PALM: variants seen among roughly 807,000 people sequenced by gnomAD.
PALM encodes the protein paralemmin-1.
In PALM, 18 loss-of-function variants were observed where a neutral mutation model predicts 30.7. The observed-to-expected ratio is 0.59, with a 90% CI of 0.41 to 0.87. PALM has a LOEUF of 0.87. Among genes scored for constraint, PALM ranks in the 40% least tolerant of loss-of-function variants. The pLI is 0.00. For missense variants in PALM, 529 were observed against 555.4 expected, an observed-to-expected ratio of 0.95 and a Z score of 0.48; for synonymous variants, 286 against 242.8, an observed-to-expected ratio of 1.18 and a Z score of -1.66.
rs757752822 is a variant in PALM, at chr19:727,583, G to A, written c.158G>A (p.Arg53His). ...QHLKSKALRE[R>H]WLLEGTPSSA... ...GCTCAGTCCAAGGCACTGCGGGAGC[G>A]CTGGCTGCTGGAGGGGACGCCGTCC... Residue 53 changes from arginine (R) to histidine (H), a missense_variant, in exon 4 of 9, where the codon CGC becomes CAC. Arg to His is a conservative substitution (Grantham distance 29). Coordinates refer to ENST00000338448, the MANE Select transcript of PALM (RefSeq NM_002579.3). 8.2e-6 allele frequency: 13 copies of A among 1,588,704 alleles called. No individual in the cohort carries two copies. Among genetic ancestry groups the A allele is most frequent in the Admixed American group, 3.6e-5 (2 of 55,384 alleles).
rs917283938 is a variant in PALM at position 719,408 on chromosome 19, G to T, written c.6-6730G>T. 10 of 985,180 alleles carry T rather than the reference G, an allele frequency of 1.0e-5. No homozygotes were observed. The South Asian group carries it at 1.9e-4, about 19-fold the overall frequency. The allele number at this position is 985,180 out of a possible 1,614,324, so 61.0% of individuals were successfully genotyped here. ...CGACGCCCTCGCCGGGCCCCGAGCC[G>T]CCCACACCGCCACACGCCGTAAAAA... On this transcript the variant is annotated intron_variant, in intron 1 of 8. Coordinates refer to ENST00000338448, the MANE Select transcript of PALM (RefSeq NM_002579.3).
rs57704148 is a variant in PALM, at chr19:732,475, A to T, written c.420+1230A>T. Among the ~76,000 whole-genome samples the T allele has an allele frequency of 0.02, 3,001 of 152,284 alleles. 242 individuals carry two copies. In the East Asian group the frequency reaches 0.28, roughly 14 times the overall value. ...TTTGGGAGGCCGAGGCAGGCACATCATTTGAGGTCAGGAGTTCAAGACCAG... is the reference window on the plus strand; with the variant it reads ...TTTGGGAGGCCGAGGCAGGCACATCTTTTGAGGTCAGGAGTTCAAGACCAG... On this transcript the variant is annotated intron_variant, in intron 5 of 8. Transcript: ENST00000338448.
At chr19:725,968 G>A (rs1364187426) in intron 1 of PALM, among the ~76,000 whole-genome samples, 170 bp from the exon 2 acceptor site, 8 of 152,164 alleles carry the variant, frequency 5.3e-5, no homozygotes, top group Non-Finnish European at 7.4e-5. Flanking sequence ...TTCCTTGGCC[G>A]CTGAGGGGGC....
At position 746,066 on chromosome 19, in the gene PALM, T is replaced by A. The variant is rs552318853; in HGVS notation, c.635-219T>A. On this transcript the variant is annotated intron_variant, in intron 8 of 8. Transcript: ENST00000338448. The surrounding 1 kb of genome is among the most constrained non-coding windows in gnomAD (Gnocchi z 7.1). ...GAGTGAGACTCCGTCTCAAAAAAAA[T>A]TTTTTTTCCTCATTGTACGGCATTG... Among the ~76,000 whole-genome samples, 5 of 152,016 alleles carry A rather than the reference T, an allele frequency of 3.3e-5. No individual in the cohort carries two copies. The highest frequency in any genetic ancestry group is 1.2e-4 in the African/African-American group (5 of 41,490).
chr19:728,218 G>T (rs1475286251), intron 4 of PALM, among the ~76,000 whole-genome samples: 1 of 152,218 alleles, frequency 6.6e-6, no homozygotes, highest in Non-Finnish European at 1.5e-5. Context: ...GGCAATCCCT[G>T]TGGGGGCTGG....
intron 1 of PALM, among the ~76,000 whole-genome samples, chr19:711,647 G>A (rs190673513): frequency 1.1e-4 from 16 of 152,162 alleles, no homozygotes; most frequent in African/African-American, 2.9e-4. Flanking sequence ...CCATGTTTCC[G>A]CTGTCTTGTT....
intron 1 of PALM, chr19:719,416 C>T: frequency 1.0e-6 from 1 of 985,350 alleles, no homozygotes; most frequent in African/African-American, 1.7e-5. Flanking sequence ...CCGCCCACAC[C>T]GCCACACGCC....
intron 4 of PALM, among the ~76,000 whole-genome samples, chr19:730,650 G>T (rs1030210255): frequency 2.6e-5 from 4 of 152,192 alleles, no homozygotes; most frequent in African/African-American, 7.2e-5. Flanking sequence ...CCGTGCCTCA[G>T]TTTCCCCCAT....
Position 709,908 on chromosome 19 carries a change from G to A in PALM, c.5+757G>A, listed in dbSNP as rs1417973145. Among the ~76,000 whole-genome samples the A allele has an allele frequency of 1.4e-5, 2 of 138,134 alleles. No individual in the cohort carries two copies. The highest frequency in any genetic ancestry group is 6.0e-5 in the African/African-American group (2 of 33,532). 90.6% of individuals were successfully genotyped at this position (138,134 alleles called of 152,430 possible). ...GACCCCCGCATGGCTGCGCCTGTGT[G>A]TGTGGGGGGGGGGTGGCCAGTGGAG... On this transcript the variant is annotated intron_variant, in intron 1 of 8. Coordinates refer to ENST00000338448, the MANE Select transcript of PALM (RefSeq NM_002579.3). This position sits in a 1 kb window ranked among gnomAD's most constrained non-coding sequence, Gnocchi z 4.3.
chr19:721,245 C>T (rs1014564936), intron 1 of PALM, among the ~76,000 whole-genome samples: 4 of 152,146 alleles, frequency 2.6e-5, no homozygotes, highest in African/African-American at 9.7e-5. Context: ...TGGAGAGGGA[C>T]AGGGTCTGAT....
At chr19:734,328 G>C in intron 6 of PALM, 134 bp downstream of exon 6, 1 of 791,514 alleles carries the variant, frequency 1.3e-6, no homozygotes, top group Non-Finnish European at 2.1e-6. Flanking sequence ...GGGAGGCCGA[G>C]GCGGGTAGAT....
intron 1 of PALM, among the ~76,000 whole-genome samples, chr19:718,301 G>A (rs953374987): frequency 6.6e-6 from 1 of 152,244 alleles, no homozygotes; most frequent in Admixed American, 6.5e-5. Flanking sequence ...CTGCAGAAAG[G>A]CCTTGGGCCT....
chr19:731,035 G>T, intron 4 of PALM, 60 bp from the exon 5 acceptor site: 2 of 1,139,828 alleles, frequency 1.8e-6, no homozygotes, highest in Admixed American at 2.8e-5. Context: ...TCGTACAGAA[G>T]GTGCCCAGAG....
chr19:739,523 A>T (rs1484364855), intron 7 of PALM, among the ~76,000 whole-genome samples: 1 of 151,846 alleles, frequency 6.6e-6, no homozygotes, highest in Non-Finnish European at 1.5e-5. Context: ...TCCAAAAAAG[A>T]TAAATAAATT....
chr19:740,428 G>T lies in PALM; in HGVS notation c.579G>T (p.Leu193=). ...GETRVLSSTT[L]LPRQPLPLGI... ...CCAGGGTGCTGTCCAGCACCACGCT[G>T]CTCCCTCGGCAGCCGCTCCCTCTGG... Residue 193 remains leucine, a synonymous_variant, in exon 8 of 9, where the codon CTG becomes CTT. Coordinates refer to ENST00000338448, the MANE Select transcript of PALM (RefSeq NM_002579.3). 1.9e-6 allele frequency: 3 copies of T among 1,553,626 alleles called. No individual in the cohort carries two copies. Among genetic ancestry groups the T allele is most frequent in the Non-Finnish European group, 2.6e-6 (3 of 1,148,342 alleles).
chr19:719,554 C>T lies in PALM; in HGVS notation c.6-6584C>T, dbSNP rs8108491. 4.1e-6 allele frequency: 4 copies of T among 985,466 alleles called. No individual in the cohort carries two copies. The African/African-American group carries it at 5.3e-5, about 13-fold the overall frequency. 61.0% of individuals were successfully genotyped at this position (985,466 alleles called of 1,614,324 possible). A position where few individuals can be genotyped will look rare whatever the true frequency, so the allele number is the denominator to read the frequency against. On this transcript the variant is annotated intron_variant, in intron 1 of 8. Coordinates refer to ENST00000338448, the MANE Select transcript of PALM (RefSeq NM_002579.3). Reference sequence around the variant, plus strand: ...AGGCTCGGAGACCCAGCACCTGCCCCGGGACCCCCAGCACCTGCCCTGGGA... The same window carrying T: ...AGGCTCGGAGACCCAGCACCTGCCCTGGGACCCCCAGCACCTGCCCTGGGA...
intron 7 of PALM, among the ~76,000 whole-genome samples, chr19:739,005 G>A (rs545593482): frequency 4.6e-5 from 7 of 152,300 alleles, no homozygotes; most frequent in South Asian, 2.1e-4. Context: ...CTCCCGCTGC[G>A]GGGCGGGGTC....
intron 4 of PALM, among the ~76,000 whole-genome samples, chr19:728,539 G>A (rs2032767114): frequency 6.6e-6 from 1 of 152,180 alleles, no homozygotes. Context: ...CGGGTGCGGT[G>A]GTTCACACCC....
rs189822254 is a variant in PALM, at chr19:745,937, A to G, written c.635-348A>G. Among the ~76,000 whole-genome samples the G allele has an allele frequency of 1.2e-3, 176 of 152,188 alleles. 1 individual carries two copies. Among genetic ancestry groups the G allele is most frequent in the African/African-American group, 4.0e-3 (168 of 41,524 alleles). On this transcript the variant is annotated intron_variant, in intron 8 of 8. Transcript: ENST00000338448. ...GCTGGGCGTGGTGGCGGATTCCTGT[A>G]GTCCCAGCTACTCAGGAGGCTGAGG...
Sources: gnomAD v4.1 joint callset for allele counts (sites outside exome capture counted in the v4.1 genomes callset) on GRCh38, gnomAD v4.1.1 for gene constraint, Gnocchi (gnomAD v3.1) non-coding constraint, MANE v1.5 for transcripts, NCBI Gene and HGNC (gene_info 2026-07-23, HGNC 2026-07-21) for gene names.